The following MUC5B variants were observed in gnomAD, a reference collection of about 807,000 sequenced individuals.
MUC5B encodes the protein mucin-5B.
MUC5B carries 116 observed loss-of-function variants against 376.9 expected under a neutral mutation model. The ratio of observed to expected loss-of-function variants is 0.31; its 90% CI spans 0.26 to 0.36. The LOEUF is 0.36. MUC5B is among the 10% of genes least tolerant of loss of function. MUC5B has a pLI of 1.00. For missense variants in MUC5B, 7,165 were observed against 7,769.9 expected, an observed-to-expected ratio of 0.92 and a Z score of 2.93; for synonymous variants, 3,517 against 3,390.9, an observed-to-expected ratio of 1.04 and a Z score of -1.29.
At position 1,232,783 on chromosome 11, in the gene MUC5B, G is replaced by A. The variant is rs1192719724; in HGVS notation, c.2065+13G>A. ...GACGGCGTCTGCAGTGAGTGCCCAC[G>A]CTGGGGGTGGGATGTGTCCACACCG... On this transcript the variant is annotated intron_variant, in intron 17 of 48. Transcript: ENST00000529681. 6.3e-6 allele frequency: 10 copies of A among 1,583,254 alleles called. No individual in the cohort carries two copies. The highest frequency in any genetic ancestry group is 2.3e-5 in the South Asian group (2 of 88,044).
In MUC5B at chr11:1,249,392, G is replaced by T; in HGVS notation, c.12512G>T (p.Gly4171Val). Residue 4171 changes from glycine to valine, a missense_variant, in exon 31 of 49, where the codon GGC becomes GTC. This residue lies in a region of MUC5B where 34 missense variants were observed against 25.7 expected (regional missense o/e 1.32). Coordinates refer to ENST00000529681, the MANE Select transcript of MUC5B (RefSeq NM_002458.3). ...GGGGCCGTCTGTGAGCAGCCCCTGG[G>T]CCTCGAGTGCCGTGCCCAGGCCCAG... The part of the protein sequence containing the change: ...AGGAVCEQPL[G>V]LECRAQAQPG... 6.2e-7 allele frequency: 1 copy of T among 1,611,222 alleles called. No homozygotes were observed. Among genetic ancestry groups the T allele is most frequent in the South Asian group, 1.1e-5 (1 of 90,982 alleles).
Position 1,257,987 on chromosome 11 carries a change from C to A in MUC5B, c.16451-112C>A. The A allele has an allele frequency of 8.8e-7, 1 of 1,133,672 alleles. No homozygotes were observed. The highest frequency in any genetic ancestry group is 1.3e-6 in the Non-Finnish European group (1 of 788,008). The allele number at this position is 1,133,672 out of a possible 1,614,324, so 70.2% of individuals were successfully genotyped here. A position where few individuals can be genotyped will look rare whatever the true frequency, so the allele number is the denominator to read the frequency against. ...GGGGCCTGGAGGGAGCCCCCAGGGG[C>A]TGTGAAGCGGTCAGGTCCTCGGGGA... On this transcript the variant is annotated intron_variant, in intron 41 of 48. Coordinates refer to ENST00000529681, the MANE Select transcript of MUC5B (RefSeq NM_002458.3). The surrounding 1 kb of genome is among the most constrained non-coding windows in gnomAD (Gnocchi z 8.9).
At position 1,242,903 on chromosome 11, in the gene MUC5B, C is replaced by T. The variant is rs780388510; in HGVS notation, c.6023C>T (p.Ala2008Val). The change falls in exon 31 of 49, where the codon GCC becomes GTC. Residue 2008 changes from alanine (A) to valine (V), a missense_variant. This residue lies in a region of MUC5B where 897 missense variants were observed against 779.6 expected (regional missense o/e 1.15). Coordinates refer to ENST00000529681, the MANE Select transcript of MUC5B (RefSeq NM_002458.3). ...TTTPTATMST[A>V]TPSSTPETAH... ...ACACCCACGGCCACCATGTCCACAG[C>T]CACACCCTCCTCCACTCCAGAGACT... is the stretch of plus-strand genomic sequence containing the variant. 1.9e-6 allele frequency: 3 copies of T among 1,613,644 alleles called. No individual in the cohort carries two copies. Among genetic ancestry groups the T allele is most frequent in the African/African-American group, 2.7e-5 (2 of 74,838 alleles).
chr11:1,237,527 G>A (rs535651084), intron 25 of MUC5B, among the ~76,000 whole-genome samples: 20 of 152,172 alleles, frequency 1.3e-4, no homozygotes, highest in Non-Finnish European at 2.6e-4. Flanking sequence ...CTGGCTCCCC[G>A]CTCAGCCAGG....
In MUC5B at chr11:1,241,268, C is replaced by T; in HGVS notation, c.4388C>T (p.Thr1463Ile). The T allele has an allele frequency of 1.9e-6, 3 of 1,594,126 alleles. No individual in the cohort carries two copies. The highest frequency in any genetic ancestry group is 2.6e-6 in the Non-Finnish European group (3 of 1,170,502). The change falls in exon 31 of 49, where the codon ACC (threonine) becomes ATC (isoleucine). Residue 1463 changes from threonine (T) to isoleucine (I), a missense_variant. Thr to Ile is a moderately conservative substitution (Grantham distance 89, BLOSUM62 -1). This residue lies in a region of MUC5B where 517 missense variants were observed against 545.3 expected (regional missense o/e 0.95). Transcript: ENST00000529681. Reference sequence around the variant, plus strand: ...CCTACCCCAACCCAGACCACAGCAACCGAAAAGACCACCCTATGGGTGACC... The same window carrying T: ...CCTACCCCAACCCAGACCACAGCAATCGAAAAGACCACCCTATGGGTGACC... ...AVPTPTQTTA[T>I]EKTTLWVTPS...
Position 1,244,736 on chromosome 11 carries a change from C to A in MUC5B, c.7856C>A (p.Thr2619Asn), listed in dbSNP as rs779873099. The A allele has an allele frequency of 3.7e-6, 6 of 1,612,246 alleles. No individual in the cohort carries two copies. In the East Asian group the frequency reaches 1.1e-4, roughly 30 times the overall value. Residue 2619 changes from threonine to asparagine, a missense_variant, in exon 31 of 49, where the codon ACC becomes AAC. Transcript: ENST00000529681. ...ACCACAACCACGGGCTTCACAGCCA[C>A]CCCCTCCTCCAGCCCAGGGACGGCA... ...LTTTTTGFTA[T>N]PSSSPGTART...
In MUC5B at chr11:1,255,370, C is replaced by A. The variant is rs377680407; in HGVS notation, c.15891-13C>A. 11 of 1,582,162 alleles carry A rather than the reference C, an allele frequency of 7.0e-6. No homozygotes were observed. The highest frequency in any genetic ancestry group is 8.6e-6 in the Non-Finnish European group (10 of 1,160,962). On this transcript the variant is annotated splice_polypyrimidine_tract_variant and intron_variant, in intron 36 of 48. Transcript: ENST00000529681. ...GGCTGGGGGCCCTCCGTCCTGATCG[C>A]TTTGCCCCACAGGGTCTTTGCTGAG...
Position 1,232,114 on chromosome 11 carries a change from T to A in MUC5B, c.1797T>A (p.Asn599Lys). 6.2e-7 allele frequency: 1 copy of A among 1,612,590 alleles called. No individual in the cohort carries two copies. The highest frequency in any genetic ancestry group is 8.5e-7 in the Non-Finnish European group (1 of 1,179,662). ...NTWKAQAACANARNSFEDPCS... is the reference protein window; with the variant it reads ...NTWKAQAACAKARNSFEDPCS... ...GGAAGGCCCAGGCTGCCTGTGCCAA[T>A]GCCAGGAACAGCTTTGAGGACCCCT... is the stretch of plus-strand genomic sequence containing the variant. The change falls in exon 15 of 49, where the codon AAT becomes AAA. Residue 599 changes from asparagine to lysine, a missense_variant. By Grantham distance (94) the Asn-to-Lys change is moderately conservative (BLOSUM62 0). This residue lies in a region of MUC5B where 530 missense variants were observed against 604.0 expected (regional missense o/e 0.88). Transcript: ENST00000529681.
chr11:1,257,842 C>A lies in MUC5B; in HGVS notation c.16450+132C>A. 2 of 1,147,332 alleles carry A rather than the reference C, an allele frequency of 1.7e-6. No individual in the cohort carries two copies. Among genetic ancestry groups the A allele is most frequent in the Non-Finnish European group, 1.2e-6 (1 of 831,430 alleles). 71.1% of individuals were successfully genotyped at this position (1,147,332 alleles called of 1,614,324 possible). ...GTGTCCTGGCGTGACCGCGGCAGGACCACTCGGCAGAGATGGCCTCCAGGT... is the reference window on the plus strand; with the variant it reads ...GTGTCCTGGCGTGACCGCGGCAGGAACACTCGGCAGAGATGGCCTCCAGGT... On this transcript the variant is annotated intron_variant, in intron 41 of 48. Coordinates refer to ENST00000529681, the MANE Select transcript of MUC5B (RefSeq NM_002458.3). This position sits in a 1 kb window ranked among gnomAD's most constrained non-coding sequence, Gnocchi z 8.9.
chr11:1,234,214 C>A lies in MUC5B; in HGVS notation c.2387C>A (p.Ala796Asp). Residue 796 changes from alanine (A) to aspartate (D), a missense_variant, in exon 20 of 49, where the codon GCC becomes GAC. This residue lies in a region of MUC5B where 530 missense variants were observed against 604.0 expected (regional missense o/e 0.88). Coordinates refer to ENST00000529681, the MANE Select transcript of MUC5B (RefSeq NM_002458.3). This position sits in a 1 kb window ranked among gnomAD's most constrained non-coding sequence, Gnocchi z 6.3. ...ASLQKSTGCA[A>D]PMVYLDCSNS... Reference sequence around the variant, plus strand: ...CAAGCTCTGTCCCCAGGGTGTGCAGCCCCCATGGTGTACCTGGACTGCAGC... The same window carrying A: ...CAAGCTCTGTCCCCAGGGTGTGCAGACCCCATGGTGTACCTGGACTGCAGC... 1.2e-6 allele frequency: 2 copies of A among 1,602,492 alleles called. No individual in the cohort carries two copies. Among genetic ancestry groups the A allele is most frequent in the Non-Finnish European group, 8.5e-7 (1 of 1,176,608 alleles).
chr11:1,255,405 C>T lies in MUC5B; in HGVS notation c.15913C>T (p.Leu5305Phe), dbSNP rs773223423. The T allele has an allele frequency of 4.4e-6, 7 of 1,602,524 alleles. No individual in the cohort carries two copies. The highest frequency in any genetic ancestry group is 6.0e-6 in the Non-Finnish European group (7 of 1,174,524). The part of the protein sequence containing the change: ...LSQVFAECHN[L>F]VPPGPFFNAC... ...CAGGGTCTTTGCTGAGTGCCACAAC[C>T]TTGTGCCCCCGGGCCCATTCTTCAA... The change falls in exon 37 of 49, where the codon CTT becomes TTT. Residue 5305 changes from leucine (L) to phenylalanine (F), a missense_variant. Around this residue, in one of 31 missense-constraint regions of MUC5B, gnomAD observed 842 missense variants for 1,016.9 expected, o/e 0.83. Coordinates refer to ENST00000529681, the MANE Select transcript of MUC5B (RefSeq NM_002458.3).
At chr11:1,260,281 T>C in intron 46 of MUC5B, 70 bp from the exon 47 acceptor site, 13 of 1,399,340 alleles carry the variant, frequency 9.3e-6, no homozygotes, top group Admixed American at 3.7e-5. Context: ...GGTGGGCCCC[T>C]CCCCAGGAGG....
rs1198639553 is a variant in MUC5B at position 1,259,741 on chromosome 11, C to T, written c.16714-15C>T. 1.2e-6 allele frequency: 2 copies of T among 1,612,114 alleles called. No individual in the cohort carries two copies. Among genetic ancestry groups the T allele is most frequent in the South Asian group, 1.1e-5 (1 of 91,082 alleles). On this transcript the variant is annotated splice_polypyrimidine_tract_variant and intron_variant, in intron 44 of 48. Transcript: ENST00000529681. ...AGGAGAGGGTTAGGGCCTGACGCCC[C>T]TCATGTCCCCACAGGGCTTTGAGTA...
In MUC5B at chr11:1,249,854, C is replaced by G. The variant is rs1309422344; in HGVS notation, c.12974C>G (p.Pro4325Arg). Residue 4325 changes from proline to arginine, a missense_variant, in exon 31 of 49, where the codon CCC becomes CGC. This residue lies in a region of MUC5B where 431 missense variants were observed against 390.4 expected (regional missense o/e 1.10). Transcript: ENST00000529681. ...AAATCCACAGCTACCAGCGTTACAC[C>G]CATCCCCTCCTCCACCCTTGGGACC... ...ATKSTATSVT[P>R]IPSSTLGTTG... 3.7e-6 allele frequency: 6 copies of G among 1,613,616 alleles called. No homozygotes were observed. Among genetic ancestry groups the G allele is most frequent in the Middle Eastern group, 1.6e-4 (1 of 6,082 alleles).
Position 1,229,186 on chromosome 11 carries a change from C to T in MUC5B, c.993C>T (p.Leu331=). 1.3e-6 allele frequency: 2 copies of T among 1,597,410 alleles called. No homozygotes were observed. Among genetic ancestry groups the T allele is most frequent in the Non-Finnish European group, 1.7e-6 (2 of 1,175,990 alleles). The change falls in exon 9 of 49, where the codon CTC becomes CTT. Residue 331 remains leucine (L), a synonymous_variant. Transcript: ENST00000529681. The stretch of plus-strand genomic sequence containing the variant: ...TTTGCGCAGCCCGGACCTGCCCCCT[C>T]AACATGCAGCACCAGGAGTGTGGCT... The part of the protein sequence containing the change: ...CPELCPRTCP[L]NMQHQECGSP...
At position 1,236,967 on chromosome 11, in the gene MUC5B, A is replaced by G. The variant is rs78674028; in HGVS notation, c.3100A>G (p.Ile1034Val). Residue 1034 changes from isoleucine (I) to valine (V), a missense_variant, in exon 25 of 49, where the codon ATC becomes GTC. Transcript: ENST00000529681. Reference protein sequence around the residue: ...GLCGNFDDNAINDFATRSRSV... With the variant: ...GLCGNFDDNAVNDFATRSRSV... The stretch of plus-strand genomic sequence containing the variant: ...GTGCGGGAACTTCGACGACAATGCC[A>G]TCAATGACTTTGCCACGCGTAGCCG... 1 of 1,537,604 alleles carries G rather than the reference A, an allele frequency of 6.5e-7. No homozygotes were observed. The highest frequency in any genetic ancestry group is 8.8e-7 in the Non-Finnish European group (1 of 1,138,974).
At position 1,241,752 on chromosome 11, in the gene MUC5B, C is replaced by G. The variant is rs368529323; in HGVS notation, c.4872C>G (p.Thr1624=). 1.4e-4 allele frequency: 224 copies of G among 1,612,258 alleles called. No individual in the cohort carries two copies. The highest frequency in any genetic ancestry group is 1.3e-4 in the Non-Finnish European group (151 of 1,179,540). The change falls in exon 31 of 49, where the codon ACC becomes ACG. Residue 1624 remains threonine, a synonymous_variant. Transcript: ENST00000529681. ...TELETATTTT[T]QALFSTPQPT... Reference sequence around the variant, plus strand: ...TGGAGACGGCCACCACCACCACCACCCAGGCCCTGTTCTCAACGCCGCAGC... The same window carrying G: ...TGGAGACGGCCACCACCACCACCACGCAGGCCCTGTTCTCAACGCCGCAGC...
At chr11:1,227,492 C>T (rs1861915177) in intron 6 of MUC5B, 94 bp downstream of exon 6, 2 of 994,768 alleles carry the variant, frequency 2.0e-6, no homozygotes, top group African/African-American at 1.6e-5. Context: ...GGAGTGGGGA[C>T]CGGGCACCAG....
In MUC5B at chr11:1,250,695, C is replaced by T; in HGVS notation, c.13815C>T (p.Pro4605=). 1.2e-6 allele frequency: 2 copies of T among 1,612,666 alleles called. No individual in the cohort carries two copies. The highest frequency in any genetic ancestry group is 1.3e-5 in the African/African-American group (1 of 74,874). ...TTTTTGFTAT[P]SSSPGTALTP... is the part of the protein sequence containing the mutation. ...CAACCACGGGCTTCACAGCCACCCCCTCCTCCAGCCCAGGGACGGCACTCA... is the reference window on the plus strand; with the variant it reads ...CAACCACGGGCTTCACAGCCACCCCTTCCTCCAGCCCAGGGACGGCACTCA... Residue 4605 remains proline (P), a synonymous_variant, in exon 31 of 49, where the codon CCC becomes CCT. Transcript: ENST00000529681.
Sources: gnomAD v4.1 joint callset for allele counts (sites outside exome capture counted in the v4.1 genomes callset) on GRCh38, gnomAD v4.1.1 for gene constraint, gnomAD v4.1.1 regional missense constraint, Gnocchi (gnomAD v3.1) non-coding constraint, MANE v1.5 for transcripts, NCBI Gene and HGNC (gene_info 2026-07-23, HGNC 2026-07-21) for gene names.